Variants in MS4A3 observed in about 807,000 individuals in gnomAD.
MS4A3 encodes membrane-spanning 4-domains subfamily A member 3.
Under a neutral mutation model 24.7 loss-of-function variants are expected in MS4A3, and 18 were observed. The observed-to-expected ratio is 0.73, with a 90% confidence interval of 0.50 to 1.08. MS4A3 has a LOEUF of 1.08. MS4A3 is among the 50% of genes least tolerant of loss of function. The pLI is 0.00. For missense variants in MS4A3, 282 were observed against 251.7 expected (o/e 1.12, Z -0.82); for synonymous variants, 84 against 95.3 (o/e 0.88, Z 0.69).
intron 2 of MS4A3, 136 bp from the exon 3 acceptor site, chr11:60,062,332 G>A (rs1316144800): frequency 6.6e-6 from 7 of 1,057,148 alleles, no homozygotes; most frequent in South Asian, 1.6e-5. Context: ...ATAAGCTCTC[G>A]TTCTGTTAAT....
At position 60,067,094 on chromosome 11, in the gene MS4A3, C is replaced by T. The variant is rs765295107; in HGVS notation, c.495C>T (p.Tyr165=). ...CAGAGTCACCGGACCTATGCAATTA[C>T]ATGGGCTCCATATCAAATGTATGTT... is the stretch of plus-strand genomic sequence containing the variant. ...SSSESPDLCN[Y]MGSISNGMVS... Residue 165 remains tyrosine (Y), a synonymous_variant, in exon 5 of 7, where the codon TAC becomes TAT. Coordinates refer to ENST00000278865, the MANE Select transcript of MS4A3 (RefSeq NM_006138.5). The T allele has an allele frequency of 1.2e-6, 2 of 1,606,962 alleles. No homozygotes were observed. The highest frequency in any genetic ancestry group is 1.1e-5 in the South Asian group (1 of 89,568).
chr11:60,058,032 C>T (rs1240860517), intron 1 of MS4A3, among the ~76,000 whole-genome samples: 2 of 152,040 alleles, frequency 1.3e-5, no homozygotes, highest in Non-Finnish European at 2.9e-5. Context: ...ACTGGAGTTG[C>T]AGTGATGAGT....
At position 60,062,452 on chromosome 11, in the gene MS4A3, C is replaced by T; in HGVS notation, c.157-16C>T. Reference sequence around the variant, plus strand: ...AGTATATGACTGTTACGCCTTTTTCCCCTTTCTTCTTTCAGGCCATCCAGA... The same window carrying T: ...AGTATATGACTGTTACGCCTTTTTCTCCTTTCTTCTTTCAGGCCATCCAGA... On this transcript the variant is annotated splice_polypyrimidine_tract_variant and intron_variant, in intron 2 of 6. Transcript: ENST00000278865. 6.2e-7 allele frequency: 1 copy of T among 1,613,152 alleles called. No individual in the cohort carries two copies. The highest frequency in any genetic ancestry group is 8.5e-7 in the Non-Finnish European group (1 of 1,179,620).
intron 1 of MS4A3, among the ~76,000 whole-genome samples, chr11:60,057,902 C>CCT (rs1263524537): frequency 7.2e-5 from 11 of 152,144 alleles, no homozygotes; most frequent in African/African-American, 2.7e-4. Flanking sequence ...CCAGTGCTTG[C>CCT]AGAGGTATTT....
intron 5 of MS4A3, 63 bp from the exon 6 acceptor site, chr11:60,069,511 A>G: frequency 8.9e-7 from 1 of 1,117,838 alleles, no homozygotes; most frequent in South Asian, 1.3e-5. Flanking sequence ...TTTCCTGCTG[A>G]CATTTTTTTT....
At position 60,067,016 on chromosome 11, in the gene MS4A3, C is replaced by T; in HGVS notation, c.417C>T (p.Leu139=). ...ATIALVGTAF[L]SLNIAVNIQS... ...TTGCACTAGTGGGGACTGCTTTTCT[C>T]TCACTAAATATAGCAGTTAATATCC... The change falls in exon 5 of 7, where the codon CTC becomes CTT. Residue 139 remains leucine, a synonymous_variant. Coordinates refer to ENST00000278865, the MANE Select transcript of MS4A3 (RefSeq NM_006138.5). 2 of 1,613,250 alleles carry T rather than the reference C, an allele frequency of 1.2e-6. No homozygotes were observed. Among genetic ancestry groups the T allele is most frequent in the Non-Finnish European group, 1.7e-6 (2 of 1,179,680 alleles).
Position 60,067,807 on chromosome 11 carries a change from G to A in MS4A3, c.513+695G>A, listed in dbSNP as rs930032586. ...TCACGCCTGTAATCCCAGAACTTTG[G>A]GAGGCCGAGGCAGGCGGATCACGAG... On this transcript the variant is annotated intron_variant, in intron 5 of 6. Transcript: ENST00000278865. Among the ~76,000 whole-genome samples the A allele has an allele frequency of 7.9e-5, 12 of 151,794 alleles. No homozygotes were observed. The South Asian group carries it at 2.5e-3, about 32-fold the overall frequency.
intron 4 of MS4A3, 106 bp from the exon 5 acceptor site, chr11:60,066,845 G>A (rs579721): frequency 0.28 from 235,936 of 844,212 alleles, 35,212 homozygotes; most frequent in South Asian, 0.48. Context: ...TAGGATATCA[G>A]TGGGTGTGTA....
In MS4A3 at chr11:60,061,196, G is replaced by A. The variant is rs1855266981; in HGVS notation, c.36G>A (p.Gly12=). 1 of 1,610,358 alleles carries A rather than the reference G, an allele frequency of 6.2e-7. No homozygotes were observed. The part of the protein sequence containing the change: ...ASHEVDNAEL[G]SASAHGTPGS... ...ACGAAGTTGATAATGCAGAGCTGGG[G>A]TCAGCCTCTGCCCATGGTACCCCAG... is the stretch of plus-strand genomic sequence containing the variant. The change falls in exon 2 of 7, where the codon GGG becomes GGA. Residue 12 remains glycine, a synonymous_variant. Transcript: ENST00000278865.
In MS4A3 at chr11:60,062,646, A is replaced by T. The variant is rs79007481; in HGVS notation, c.294+41A>T. On this transcript the variant is annotated intron_variant, in intron 3 of 6. Transcript: ENST00000278865. ...CCCCTGGCTATATGTTATTTCTTAG[A>T]TACCACTGCTGGAGATGTGTTTGAT... 8,439 of 1,608,780 alleles carry T rather than the reference A, an allele frequency of 5.2e-3. 420 individuals are homozygous for T. In the East Asian group the frequency reaches 0.13, roughly 25 times the overall value.
chr11:60,057,648 C>A (rs1032343551), intron 1 of MS4A3, among the ~76,000 whole-genome samples: 4 of 152,184 alleles, frequency 2.6e-5, no homozygotes, highest in Non-Finnish European at 5.9e-5. Flanking sequence ...TTGAGATCCT[C>A]CCGCCTCTGC....
In MS4A3 at chr11:60,062,593, G is replaced by C; in HGVS notation, c.282G>C (p.Trp94Cys). Residue 94 changes from tryptophan to cysteine, a missense_variant, in exon 3 of 7, where the codon TGG (tryptophan) becomes TGC (cysteine). Trp to Cys is a radical substitution (Grantham distance 215). Coordinates refer to ENST00000278865, the MANE Select transcript of MS4A3 (RefSeq NM_006138.5). The part of the protein sequence containing the change: ...FFTFYTGYPI[W>C]GAVFFCSSGT... Reference sequence around the variant, plus strand: ...CCTTCTACACAGGCTACCCGATTTGGGGTGCTGTGTTTGTGAGTATTCGTA... The same window carrying C: ...CCTTCTACACAGGCTACCCGATTTGCGGTGCTGTGTTTGTGAGTATTCGTA... The C allele has an allele frequency of 6.2e-7, 1 of 1,613,954 alleles. No individual in the cohort carries two copies. Among genetic ancestry groups the C allele is most frequent in the Non-Finnish European group, 8.5e-7 (1 of 1,179,968 alleles).
intron 5 of MS4A3, among the ~76,000 whole-genome samples, 186 bp downstream of exon 5, chr11:60,067,298 C>T (rs1183505544): frequency 5.9e-5 from 9 of 151,328 alleles, no homozygotes; most frequent in African/African-American, 2.2e-4. Context: ...CTGCAAGCTC[C>T]GCCCTCCTGG....
In MS4A3 at chr11:60,068,072, A is replaced by T. The variant is rs551808114; in HGVS notation, c.513+960A>T. ...TCTCAAAAAATAAAAAAATAAAAAAATAAAGTTTCATTTCATATCTCCTTG... is the reference window on the plus strand; with the variant it reads ...TCTCAAAAAATAAAAAAATAAAAAATTAAAGTTTCATTTCATATCTCCTTG... On this transcript the variant is annotated intron_variant, in intron 5 of 6. Coordinates refer to ENST00000278865, the MANE Select transcript of MS4A3 (RefSeq NM_006138.5). Among the ~76,000 whole-genome samples, 414 of 149,756 alleles carry T rather than the reference A, an allele frequency of 2.8e-3. 2 individuals are homozygous for T. Among genetic ancestry groups the T allele is most frequent in the African/African-American group, 0.01 (397 of 39,260 alleles).
chr11:60,069,614 T>C lies in MS4A3; in HGVS notation c.554T>C (p.Leu185Ser), dbSNP rs753586162. The C allele has an allele frequency of 6.2e-7, 1 of 1,613,750 alleles. No homozygotes were observed. The highest frequency in any genetic ancestry group is 2.2e-5 in the East Asian group (1 of 44,846). ...CTGCTGATTCTCACCTTGCTGGAATTATGCGTAACCATCTCTACCATAGCC... is the reference window on the plus strand; with the variant it reads ...CTGCTGATTCTCACCTTGCTGGAATCATGCGTAACCATCTCTACCATAGCC... Reference protein sequence around the residue: ...SLLLILTLLELCVTISTIAMW... With the variant: ...SLLLILTLLESCVTISTIAMW... The change falls in exon 6 of 7, where the codon TTA (leucine) becomes TCA (serine). Residue 185 changes from leucine (L) to serine (S), a missense_variant. Transcript: ENST00000278865.
chr11:60,070,250 A>ATGAAAAT lies in MS4A3; in HGVS notation c.*17_*18insTGAAAAT. 6.9e-6 allele frequency: 11 copies of ATGAAAAT among 1,584,558 alleles called. No homozygotes were observed. The highest frequency in any genetic ancestry group is 8.7e-6 in the Non-Finnish European group (10 of 1,155,366). ...TCTGTGTAATCAAGAATACCTCCTT[A>ATGAAAAT]ATTCTGAGAGCATGAATATTTGACC... On this transcript the variant is annotated 3_prime_UTR_variant, in exon 7 of 7. Transcript: ENST00000278865.
Position 60,058,127 on chromosome 11 carries a change from G to C in MS4A3, c.-16+1387G>C, listed in dbSNP as rs116067132. 4.7e-3 allele frequency among the ~76,000 whole-genome samples: 719 copies of C among 152,200 alleles called. 8 individuals are homozygous for C. Among genetic ancestry groups the C allele is most frequent in the African/African-American group, 0.016 (679 of 41,528 alleles). On this transcript the variant is annotated intron_variant, in intron 1 of 6. Coordinates refer to ENST00000278865, the MANE Select transcript of MS4A3 (RefSeq NM_006138.5). ...TGAGAAGGAAAGTTGAGGAAATTTTGAGAGCAACCCAAAGGGGTGCATGCT... is the reference window on the plus strand; with the variant it reads ...TGAGAAGGAAAGTTGAGGAAATTTTCAGAGCAACCCAAAGGGGTGCATGCT...
chr11:60,060,753 A>G (rs1359663040), intron 1 of MS4A3, among the ~76,000 whole-genome samples: 7 of 152,182 alleles, frequency 4.6e-5, no homozygotes, highest in Non-Finnish European at 1.0e-4. Flanking sequence ...TAAATAAATG[A>G]CACCTACTAT....
At chr11:60,057,351 G>A (rs1326167202) in intron 1 of MS4A3, among the ~76,000 whole-genome samples, 1 of 152,138 alleles carries the variant, frequency 6.6e-6, no homozygotes, top group Non-Finnish European at 1.5e-5. Context: ...CTGGAGAGAT[G>A]AACTTAACTG....
Sources: gnomAD v4.1 joint callset for allele counts (sites outside exome capture counted in the v4.1 genomes callset) on GRCh38, gnomAD v4.1.1 for gene constraint, MANE v1.5 for transcripts, NCBI Gene and HGNC (gene_info 2026-07-23, HGNC 2026-07-21) for gene names.